The following NRG4 variants were observed in gnomAD, a reference collection of about 807,000 sequenced individuals.
The protein encoded by NRG4 is pro-neuregulin-4, membrane-bound isoform.
A neutral mutation model predicts 15.0 loss-of-function variants in NRG4; 10 were observed. The observed-to-expected ratio is 0.67, with a 90% CI of 0.41 to 1.13. The LOEUF is 1.13. Ranked by LOEUF, NRG4 falls within the 50% of genes most tolerant of loss-of-function variation. NRG4 has a pLI of 0.00. For missense variants in NRG4, 139 were observed against 140.2 expected (o/e 0.99, Z 0.04); for synonymous variants, 41 against 50.1 (o/e 0.82, Z 0.77).
chr15:75,966,443 G>A (rs1168881144), intron 3 of NRG4, among the ~76,000 whole-genome samples: 1 of 152,188 alleles, frequency 6.6e-6, no homozygotes, highest in Non-Finnish European at 1.5e-5. Flanking sequence ...AAGTAAGAAT[G>A]TCTAGAGTGC....
intron 3 of NRG4, among the ~76,000 whole-genome samples, chr15:75,995,770 T>C (rs2034191215): frequency 6.6e-6 from 1 of 152,168 alleles, no homozygotes; most frequent in South Asian, 2.1e-4. Context: ...CATTAACATA[T>C]CTAAAGAAAG....
intron 5 of NRG4, among the ~76,000 whole-genome samples, chr15:76,020,716 G>A (rs2035124733): frequency 6.6e-6 from 1 of 152,224 alleles, no homozygotes; most frequent in African/African-American, 2.4e-5. Flanking sequence ...GGTTGGACAA[G>A]CTTGCTGTAA....
At chr15:75,946,046 C>A (rs2031484123) in intron 5 of NRG4, among the ~76,000 whole-genome samples, 1 of 152,136 alleles carries the variant, frequency 6.6e-6, no homozygotes, top group South Asian at 2.1e-4. Flanking sequence ...CACTGTGATA[C>A]TGCAACAGGA....
At chr15:76,051,069 G>T (rs988086196) in intron 4 of NRG4, among the ~76,000 whole-genome samples, 2 of 146,296 alleles carry the variant, frequency 1.4e-5, no homozygotes, top group Non-Finnish European at 3.0e-5. Flanking sequence ...GCAGTGGCGG[G>T]ATCTCGGCTC....
chr15:76,006,551 C>T (rs2034614766), intron 3 of NRG4, among the ~76,000 whole-genome samples: 1 of 152,138 alleles, frequency 6.6e-6, no homozygotes, highest in Non-Finnish European at 1.5e-5. Context: ...TGTTTAGCAA[C>T]TCCAGAATAC....
intron 4 of NRG4, among the ~76,000 whole-genome samples, chr15:76,038,360 C>A (rs2035644825): frequency 6.6e-6 from 1 of 152,206 alleles, no homozygotes; most frequent in Admixed American, 6.5e-5. Flanking sequence ...TGGACATGGC[C>A]TGGGCCAGAG....
upstream of NRG4, among the ~76,000 whole-genome samples, chr15:76,017,064 C>T (rs2034999299): frequency 6.6e-6 from 1 of 150,948 alleles, no homozygotes; most frequent in African/African-American, 2.4e-5. Flanking sequence ...GCATTGATCC[C>T]TTTACCATTA....
At chr15:76,025,331 T>C (rs1375361332) in intron 5 of NRG4, among the ~76,000 whole-genome samples, 1 of 151,922 alleles carries the variant, frequency 6.6e-6, no homozygotes, top group Non-Finnish European at 1.5e-5. Context: ...CCCAGCTACT[T>C]GGGAGGCAGA....
chr15:75,949,238 G>A lies in NRG4; in HGVS notation c.332-5584C>T, dbSNP rs577505380. Among the ~76,000 whole-genome samples, 20 of 152,014 alleles carry A rather than the reference G, an allele frequency of 1.3e-4. No homozygotes were observed. The South Asian group carries it at 4.2e-3, about 32-fold the overall frequency. On this transcript the variant is annotated intron_variant, in intron 5 of 5. Coordinates refer to ENST00000394907, the MANE Select transcript of NRG4 (RefSeq NM_138573.4). ...ACCAGCCTGGCCAACACCAAACCCC[G>A]TCTCTACCGAAAAATACAAAACACT...
intron 3 of NRG4, among the ~76,000 whole-genome samples, chr15:75,979,349 C>A (rs1304852017): frequency 6.6e-6 from 1 of 152,082 alleles, no homozygotes; most frequent in Non-Finnish European, 1.5e-5. Context: ...TTATACTGTT[C>A]TTTTCTTATC....
At chr15:75,971,182 G>C in intron 3 of NRG4, 2 of 451,502 alleles carry the variant, frequency 4.4e-6, no homozygotes, top group South Asian at 3.2e-5. Context: ...ATATGTGTGT[G>C]GTTTGAATTC....
At chr15:75,937,800 C>T (rs2030525140), downstream of NRG4, 1 of 152,194 alleles carries the variant, frequency 6.6e-6, no homozygotes, top group African/African-American at 2.4e-5. Context: ...GAAGGACTGA[C>T]ACAAGGTCAC....
At chr15:76,044,021 C>T (rs993170681) in intron 4 of NRG4, among the ~76,000 whole-genome samples, 3 of 151,958 alleles carry the variant, frequency 2.0e-5, no homozygotes, top group Non-Finnish European at 2.9e-5. Flanking sequence ...GATGGAGTCT[C>T]GCTCTGTCGC....
intron 5 of NRG4, among the ~76,000 whole-genome samples, chr15:75,951,576 C>T (rs1347942073): frequency 1.3e-5 from 2 of 152,170 alleles, no homozygotes; most frequent in Non-Finnish European, 2.9e-5. Context: ...TCCAATTTTA[C>T]AATCTCTATC....
At chr15:75,944,931 A>C (rs191242361) in intron 5 of NRG4, among the ~76,000 whole-genome samples, 101 of 151,176 alleles carry the variant, frequency 6.7e-4, no homozygotes, top group Non-Finnish European at 1.2e-3. Flanking sequence ...AAAAAACAAC[A>C]GTAATTTAAT....
chr15:76,026,377 A>C (rs1393760175), intron 5 of NRG4, among the ~76,000 whole-genome samples: 1 of 152,226 alleles, frequency 6.6e-6, no homozygotes, highest in African/African-American at 2.4e-5. Flanking sequence ...AGGAGAAAAT[A>C]GGATATAATC....
intron 3 of NRG4, among the ~76,000 whole-genome samples, chr15:75,967,326 C>A (rs2032848220): frequency 6.6e-6 from 1 of 151,970 alleles, no homozygotes; most frequent in South Asian, 2.1e-4. Context: ...ATTTAGCTAA[C>A]ATTCAATCTC....
intron 1 of NRG4, among the ~76,000 whole-genome samples, chr15:76,059,175 A>C (rs2036232820): frequency 6.6e-6 from 1 of 152,254 alleles, no homozygotes; most frequent in Non-Finnish European, 1.5e-5. Flanking sequence ...TTTAAGAGTC[A>C]GATAACGAAA....
intron 5 of NRG4, among the ~76,000 whole-genome samples, chr15:75,948,213 A>G (rs946522632): frequency 2.0e-5 from 3 of 152,172 alleles, no homozygotes; most frequent in African/African-American, 7.2e-5. Flanking sequence ...TGGTGTATAA[A>G]GCAATCATTG....
Sources: allele counts gnomAD v4.1 joint callset (sites outside exome capture counted in the v4.1 genomes callset), GRCh38; gene constraint gnomAD v4.1.1; transcripts MANE v1.5; gene names NCBI Gene and HGNC (gene_info 2026-07-23, HGNC 2026-07-21).